FAM227B: variants seen among roughly 807,000 people sequenced by gnomAD.
FAM227B encodes the protein protein FAM227B.
FAM227B carries 88 observed loss-of-function variants against 73.8 expected under a neutral mutation model. The ratio of observed to expected loss-of-function variants is 1.19; its 90% CI spans 1.00 to 1.42. The LOEUF (loss-of-function observed/expected upper bound fraction) is 1.42, where lower values mean the gene tolerates loss of function less well. Ranked by LOEUF, FAM227B falls within the 40% of genes most tolerant of loss-of-function variation. The pLI is 0.00. For synonymous variants in FAM227B, 210 were observed against 190.5 expected (o/e 1.10, Z -0.84); for missense variants, 632 against 590.9 (o/e 1.07, Z -0.72).
At chr15:49,590,997 T>G (rs1460715952) in intron 3 of FAM227B, among the ~76,000 whole-genome samples, 2 of 150,572 alleles carry the variant, frequency 1.3e-5, no homozygotes, top group African/African-American at 2.4e-5. Context: ...GAGAGATCTC[T>G]CTCTTCTTTT....
intron 10 of FAM227B, among the ~76,000 whole-genome samples, chr15:49,513,071 G>A (rs2059130114): frequency 1.3e-5 from 2 of 152,102 alleles, no homozygotes; most frequent in Admixed American, 1.3e-4. Flanking sequence ...ACATACATGT[G>A]CATGTATCTT....
At chr15:49,334,231 T>C in intron 14 of FAM227B, 1 of 983,086 alleles carries the variant, frequency 1.0e-6, no homozygotes, top group Non-Finnish European at 1.2e-6. Flanking sequence ...TCAAGCTCCT[T>C]GTCAATTCTT....
At chr15:49,425,904 T>C (rs974894592) in intron 11 of FAM227B, among the ~76,000 whole-genome samples, 1 of 151,646 alleles carries the variant, frequency 6.6e-6, no homozygotes, top group Non-Finnish European at 1.5e-5. Context: ...GAAATGACTA[T>C]TTGGAGAAAA....
chr15:49,377,621 C>A (rs2046255425), intron 11 of FAM227B, among the ~76,000 whole-genome samples: 1 of 152,040 alleles, frequency 6.6e-6, no homozygotes, highest in Non-Finnish European at 1.5e-5. Flanking sequence ...ATGTTGAGCA[C>A]TTTTTCATAT....
At chr15:49,526,976 T>G (rs2060249993) in intron 10 of FAM227B, among the ~76,000 whole-genome samples, 1 of 151,918 alleles carries the variant, frequency 6.6e-6, no homozygotes, top group South Asian at 2.1e-4. Flanking sequence ...AGAGCTAGTT[T>G]CAATCTTATT....
chr15:49,380,941 G>A (rs776751338), intron 11 of FAM227B, among the ~76,000 whole-genome samples: 6 of 152,232 alleles, frequency 3.9e-5, no homozygotes, highest in South Asian at 2.1e-4. Flanking sequence ...ATGGTTCTGC[G>A]GGATGTACAA....
At chr15:49,424,330 A>G (rs1365886823) in intron 11 of FAM227B, 1 of 1,613,634 alleles carries the variant, frequency 6.2e-7, no homozygotes. Context: ...GGATCCTGCC[A>G]ACTTTGCTCT....
intron 3 of FAM227B, among the ~76,000 whole-genome samples, chr15:49,596,531 A>T (rs61014555): frequency 0.029 from 4,351 of 151,888 alleles, 218 homozygotes; most frequent in African/African-American, 0.1. Context: ...TTAAGGCATA[A>T]ATCTCACAGG....
intron 8 of FAM227B, among the ~76,000 whole-genome samples, chr15:49,573,701 C>A (rs926535280): frequency 1.3e-5 from 2 of 152,190 alleles, no homozygotes; most frequent in Non-Finnish European, 2.9e-5. Context: ...CCAATTCATT[C>A]TGTTCATTAT....
intron 3 of FAM227B, among the ~76,000 whole-genome samples, chr15:49,607,215 A>C (rs1014759864): frequency 2.6e-5 from 4 of 152,194 alleles, no homozygotes; most frequent in Admixed American, 2.6e-4. Context: ...CCAGTGCTTA[A>C]CACTGCAAAA....
chr15:49,399,366 C>T (rs1304212402), intron 11 of FAM227B, among the ~76,000 whole-genome samples: 1 of 149,518 alleles, frequency 6.7e-6, no homozygotes, highest in East Asian at 2.0e-4. Context: ...AATAGCTTAC[C>T]AACCAAAAAG....
chr15:49,526,925 C>T (rs1171107068), intron 10 of FAM227B, among the ~76,000 whole-genome samples: 1 of 151,670 alleles, frequency 6.6e-6, no homozygotes, highest in African/African-American at 2.4e-5. Flanking sequence ...AAGTCCAGGA[C>T]CAGACAAATT....
At chr15:49,422,120 T>TAGAGAGAGAGAGAGGG (rs2049692094) in intron 11 of FAM227B, among the ~76,000 whole-genome samples, 2 of 134,464 alleles carry the variant, frequency 1.5e-5, no homozygotes, top group Admixed American at 1.5e-4. Context: ...GCATTTCACA[T>TAGAGAGAGAGAGAGGG]AGAGAGAGAG....
chr15:49,503,303 A>G (rs1307500226), intron 11 of FAM227B, among the ~76,000 whole-genome samples: 1 of 152,214 alleles, frequency 6.6e-6, no homozygotes, highest in African/African-American at 2.4e-5. Flanking sequence ...TAAACGTTAG[A>G]CCTAAAACTA....
intron 11 of FAM227B, among the ~76,000 whole-genome samples, chr15:49,478,407 T>C (rs181197562): frequency 6.6e-6 from 1 of 152,240 alleles, no homozygotes; most frequent in Non-Finnish European, 1.5e-5. Flanking sequence ...TTTTTGCATA[T>C]ATGTATATGT....
intron 13 of FAM227B, 120 bp from the exon 14 acceptor site, chr15:49,335,616 C>G (rs2039572549): frequency 1.6e-6 from 1 of 609,134 alleles, no homozygotes; most frequent in East Asian, 2.7e-5. Context: ...TGAAGAGTCT[C>G]AAGTATAAAC....
chr15:49,581,308 T>C (rs893610856), intron 5 of FAM227B, among the ~76,000 whole-genome samples: 11 of 151,940 alleles, frequency 7.2e-5, no homozygotes, highest in African/African-American at 1.9e-4. Flanking sequence ...CCAGAAGAGA[T>C]TGGGGGCCTA....
chr15:49,573,462 A>G (rs999561615), intron 8 of FAM227B, among the ~76,000 whole-genome samples: 4 of 152,182 alleles, frequency 2.6e-5, no homozygotes, highest in African/African-American at 9.6e-5. Context: ...TTGATCCCCA[A>G]TGCAGTGGTG....
chr15:49,379,386 T>C (rs1026431760), intron 11 of FAM227B, among the ~76,000 whole-genome samples: 8 of 152,264 alleles, frequency 5.3e-5, no homozygotes, highest in African/African-American at 9.6e-5. Context: ...TGTTAGTTCT[T>C]TAAATGTTTG....
Sources: allele counts gnomAD v4.1 joint callset (sites outside exome capture counted in the v4.1 genomes callset), GRCh38; gene constraint gnomAD v4.1.1; transcripts MANE v1.5; gene names NCBI Gene and HGNC (gene_info 2026-07-23, HGNC 2026-07-21).